SLC30A8: variants seen among roughly 807,000 people sequenced by gnomAD.
SLC30A8 encodes the protein solute carrier family 30 member 8.
Under a neutral mutation model 36.9 loss-of-function variants are expected in SLC30A8, and 27 were observed. That is an observed-to-expected ratio of 0.73 (90% CI 0.54 to 1.01). The LOEUF (loss-of-function observed/expected upper bound fraction) is 1.01. Ranked by LOEUF, SLC30A8 falls within the 50% of genes least tolerant of loss-of-function variation. The pLI is 0.00. For synonymous variants in SLC30A8, 164 were observed against 172.4 expected, an observed-to-expected ratio of 0.95 and a Z score of 0.38; for missense variants, 439 against 452.0, an observed-to-expected ratio of 0.97 and a Z score of 0.26.
intron 5 of SLC30A8, among the ~76,000 whole-genome samples, chr8:117,162,102 G>T (rs1296016458): frequency 6.6e-6 from 1 of 152,074 alleles, no homozygotes; most frequent in Non-Finnish European, 1.5e-5. Context: ...TAAGCAATAG[G>T]GAACATCTCT....
intron 1 of SLC30A8, among the ~76,000 whole-genome samples, chr8:116,952,467 CAG>C (rs1417560462): frequency 3.3e-5 from 5 of 151,586 alleles, no homozygotes; most frequent in African/African-American, 1.2e-4. Flanking sequence ...TTTTCCGAGA[CAG>C]AGTCTCCCTC....
At chr8:117,064,285 T>G (rs979975740) in intron 2 of SLC30A8, among the ~76,000 whole-genome samples, 1 of 152,140 alleles carries the variant, frequency 6.6e-6, no homozygotes, top group Non-Finnish European at 1.5e-5. Flanking sequence ...CATGAGCCAC[T>G]GGGTCTGACC....
chr8:116,989,576 G>A (rs951038113), intron 1 of SLC30A8, among the ~76,000 whole-genome samples: 32 of 151,888 alleles, frequency 2.1e-4, no homozygotes, highest in African/African-American at 5.8e-4. Flanking sequence ...TAAATTGTTC[G>A]TTCTTTCTCC....
chr8:117,169,088 T>A (rs1305912512), intron 6 of SLC30A8, among the ~76,000 whole-genome samples: 1 of 151,542 alleles, frequency 6.6e-6, no homozygotes, highest in African/African-American at 2.4e-5. Flanking sequence ...TTTATTCACA[T>A]TGTATGGCTA....
intron 1 of SLC30A8, among the ~76,000 whole-genome samples, chr8:117,016,932 AC>A (rs942010834): frequency 7.9e-5 from 12 of 152,214 alleles, no homozygotes; most frequent in African/African-American, 2.9e-4. Context: ...TAGCATGCTC[AC>A]AACAAGATAA....
chr8:117,032,462 T>C (rs1817084719), intron 1 of SLC30A8, among the ~76,000 whole-genome samples: 1 of 152,240 alleles, frequency 6.6e-6, no homozygotes, highest in East Asian at 1.9e-4. Flanking sequence ...TTTTTCAGCT[T>C]CTAAAAGCCA....
At chr8:117,012,555 C>G (rs1816377095) in intron 1 of SLC30A8, among the ~76,000 whole-genome samples, 1 of 151,798 alleles carries the variant, frequency 6.6e-6, no homozygotes, top group African/African-American at 2.4e-5. Flanking sequence ...ATTTAAAGAG[C>G]ACAGTAGGAT....
At chr8:117,158,281 A>C (rs957759753) in intron 4 of SLC30A8, among the ~76,000 whole-genome samples, 2 of 152,184 alleles carry the variant, frequency 1.3e-5, no homozygotes, top group Admixed American at 6.5e-5. Context: ...CACATGGGGC[A>C]TGACTTACTA....
chr8:117,131,634 T>G (rs376608874), upstream of SLC30A8, among the ~76,000 whole-genome samples: 12 of 151,978 alleles, frequency 7.9e-5, no homozygotes, highest in African/African-American at 2.9e-4. Context: ...TTCAATAACC[T>G]TTATTTCCTT....
At chr8:117,022,360 G>T (rs1816727074) in intron 1 of SLC30A8, among the ~76,000 whole-genome samples, 2 of 152,012 alleles carry the variant, frequency 1.3e-5, no homozygotes. Context: ...TTTATGTTAG[G>T]TACATGAAGA....
chr8:116,951,342 A>G (rs192217448), intron 1 of SLC30A8, among the ~76,000 whole-genome samples: 106 of 152,302 alleles, frequency 7.0e-4, no homozygotes, highest in African/African-American at 2.5e-3. Flanking sequence ...TTAGTGAGCA[A>G]TTAAACAAGG....
At chr8:117,136,957 G>A (rs550829939) in intron 1 of SLC30A8, among the ~76,000 whole-genome samples, 20 of 152,020 alleles carry the variant, frequency 1.3e-4, no homozygotes, top group Admixed American at 1.0e-3. Flanking sequence ...TATTTATCTC[G>A]ATCCCTCATT....
chr8:117,153,723 G>GGTGGGTGTGTGTGT (rs1554591090), intron 3 of SLC30A8, among the ~76,000 whole-genome samples: 1 of 146,910 alleles, frequency 6.8e-6, no homozygotes, highest in African/African-American at 2.5e-5. Context: ...CATGATAAGG[G>GGTGGGTGTGTGTGT]GTGTGTGTGT....
intron 6 of SLC30A8, among the ~76,000 whole-genome samples, chr8:117,165,096 G>A (rs1447425223): frequency 6.6e-6 from 1 of 152,122 alleles, no homozygotes; most frequent in Admixed American, 6.6e-5. Flanking sequence ...TCATATAGTT[G>A]AAAAAGCAAG....
intron 2 of SLC30A8, among the ~76,000 whole-genome samples, chr8:117,059,789 G>A (rs73315612): frequency 1.0e-3 from 152 of 152,316 alleles, no homozygotes; most frequent in African/African-American, 3.4e-3. Flanking sequence ...AAGTTTTATA[G>A]CTGGGGGTGG....
chr8:116,972,073 A>G (rs750923953), intron 1 of SLC30A8, among the ~76,000 whole-genome samples: 56 of 152,230 alleles, frequency 3.7e-4, no homozygotes, highest in Non-Finnish European at 6.8e-4. Context: ...TTCAAATACT[A>G]TAAAAGCCCT....
intron 2 of SLC30A8, among the ~76,000 whole-genome samples, chr8:117,042,673 CT>C (rs772490785): frequency 0.015 from 2,077 of 140,096 alleles, 25 homozygotes; most frequent in African/African-American, 0.034. Flanking sequence ...GAATTTAGTG[CT>C]TTTTTTTTTT....
Position 117,052,186 on chromosome 8 carries a change from T to A in SLC30A8, c.-226+12928T>A, listed in dbSNP as rs576631821. 9.9e-5 allele frequency among the ~76,000 whole-genome samples: 15 copies of A among 152,204 alleles called. No individual in the cohort carries two copies. The East Asian group carries it at 2.9e-3, about 30-fold the overall frequency. On this transcript the variant is annotated intron_variant, in intron 2 of 10. Coordinates refer to the SLC30A8 transcript ENST00000427715. ...CCACCACACCCAACTAATTTTTCTA[T>A]TATTAGTAGAGACAGGGTTTCATCA...
chr8:117,068,495 A>G (rs552390859), intron 2 of SLC30A8, among the ~76,000 whole-genome samples: 2 of 152,262 alleles, frequency 1.3e-5, no homozygotes, highest in African/African-American at 4.8e-5. Context: ...TTTGCACGTA[A>G]TTATCATCAC....
Sources: allele counts gnomAD v4.1 joint callset (sites outside exome capture counted in the v4.1 genomes callset), GRCh38; gene constraint gnomAD v4.1.1; transcripts MANE v1.5; gene names NCBI Gene and HGNC (gene_info 2026-07-23, HGNC 2026-07-21).